Variants in ANO6 observed in about 807,000 individuals in gnomAD.
ANO6 encodes anoctamin-6.
ANO6 carries 106 observed loss-of-function variants against 117.5 expected under a neutral mutation model. The ratio of observed to expected loss-of-function variants is 0.90; its 90% CI spans 0.77 to 1.06. The LOEUF (loss-of-function observed/expected upper bound fraction) is 1.06. Among genes scored for constraint, ANO6 ranks in the 50% least tolerant of loss-of-function variants. The pLI is 0.00. For synonymous variants in ANO6, 367 were observed against 385.1 expected (o/e 0.95, Z 0.55); for missense variants, 955 against 1,121.1 (o/e 0.85, Z 2.12).
At chr12:45,306,036 A>T (rs1939658707) in intron 2 of ANO6, among the ~76,000 whole-genome samples, 1 of 152,122 alleles carries the variant, frequency 6.6e-6, no homozygotes, top group Admixed American at 6.6e-5. Context: ...GAGCTGAGGG[A>T]TGGGGTGTGG....
intron 15 of ANO6, among the ~76,000 whole-genome samples, chr12:45,408,533 C>T (rs905937263): frequency 2.6e-5 from 4 of 152,204 alleles, no homozygotes; most frequent in Admixed American, 6.5e-5. Flanking sequence ...GTGGACAGAG[C>T]GCTGGGACGC....
At chr12:45,384,152 G>A (rs1407380469) in intron 10 of ANO6, among the ~76,000 whole-genome samples, 1 of 152,200 alleles carries the variant, frequency 6.6e-6, no homozygotes, top group African/African-American at 2.4e-5. Context: ...ACCTCTGCTA[G>A]CTTCAAACTT....
At chr12:45,247,029 G>T (rs191186304) in intron 1 of ANO6, among the ~76,000 whole-genome samples, 2 of 152,064 alleles carry the variant, frequency 1.3e-5, no homozygotes, top group African/African-American at 2.4e-5. Context: ...CCTCCTGGGC[G>T]ATTCTCCTGC....
In ANO6 at chr12:45,252,520, G is replaced by A. The variant is rs577534733; in HGVS notation, c.70+36129G>A. On this transcript the variant is annotated intron_variant, in intron 1 of 19. Transcript: ENST00000320560. The stretch of plus-strand genomic sequence containing the variant: ...TTGTTGTTAACTACTGTTTTTATGA[G>A]CTGTTTGTAAGAAATGGTGTATCTC... 5.3e-5 allele frequency among the ~76,000 whole-genome samples: 8 copies of A among 152,236 alleles called. No individual in the cohort carries two copies. The South Asian group carries it at 1.5e-3, about 28-fold the overall frequency.
intron 1 of ANO6, among the ~76,000 whole-genome samples, chr12:45,218,494 A>C (rs1304621094): frequency 1.3e-5 from 2 of 149,028 alleles, no homozygotes; most frequent in Non-Finnish European, 3.0e-5. Flanking sequence ...TACGGGGCTC[A>C]AGCGATCCTC....
chr12:45,354,056 A>C (rs1941350725), intron 7 of ANO6, among the ~76,000 whole-genome samples: 1 of 152,178 alleles, frequency 6.6e-6, no homozygotes, highest in Non-Finnish European at 1.5e-5. Flanking sequence ...GAAAAAATGT[A>C]GGGAAGAAAT....
chr12:45,350,470 A>T (rs563053399), intron 6 of ANO6, among the ~76,000 whole-genome samples, 189 bp from the exon 7 acceptor site: 1 of 152,214 alleles, frequency 6.6e-6, no homozygotes, highest in Non-Finnish European at 1.5e-5. Flanking sequence ...ACATTCATAA[A>T]TGACCCCCAA....
chr12:45,365,907 A>G (rs1052828857), intron 8 of ANO6, among the ~76,000 whole-genome samples: 9 of 152,130 alleles, frequency 5.9e-5, no homozygotes, highest in Admixed American at 2.6e-4. Flanking sequence ...GATTTTGACA[A>G]TTTTTGCCAG....
At chr12:45,322,447 T>G (rs1220780127) in intron 2 of ANO6, among the ~76,000 whole-genome samples, 3 of 152,140 alleles carry the variant, frequency 2.0e-5, no homozygotes, top group African/African-American at 7.2e-5. Context: ...TTATAAAATG[T>G]GGCCTATAAT....
chr12:45,291,419 T>C (rs1009417359), intron 1 of ANO6, among the ~76,000 whole-genome samples: 7 of 140,086 alleles, frequency 5.0e-5, no homozygotes, highest in Admixed American at 2.8e-4. Flanking sequence ...TTCTTAGATA[T>C]AACATCAAAA....
rs140416603 is a variant in ANO6 at position 45,419,632 on chromosome 12, G to A, written c.2218-1439G>A. Among the ~76,000 whole-genome samples, 127 of 152,262 alleles carry A rather than the reference G, an allele frequency of 8.3e-4. 1 individual carries two copies. The highest frequency in any genetic ancestry group is 2.3e-3 in the South Asian group (11 of 4,826). Reference sequence around the variant, plus strand: ...CTATGCCTAAACCATATGTTCAGATGAATACTATTAAAAATCATGTTAAGC... The same window carrying A: ...CTATGCCTAAACCATATGTTCAGATAAATACTATTAAAAATCATGTTAAGC... On this transcript the variant is annotated intron_variant, in intron 17 of 19. Transcript: ENST00000320560.
At chr12:45,399,186 T>C (rs937507417) in intron 12 of ANO6, among the ~76,000 whole-genome samples, 1 of 151,592 alleles carries the variant, frequency 6.6e-6, no homozygotes, top group South Asian at 2.1e-4. Context: ...GGAGGTTTTT[T>C]GTTTTTTTGT....
intron 9 of ANO6, among the ~76,000 whole-genome samples, chr12:45,373,794 TAAAAG>T (rs1449177479): frequency 1.3e-5 from 2 of 151,838 alleles, no homozygotes; most frequent in South Asian, 2.1e-4. Flanking sequence ...ACATCACAAT[TAAAAG>T]AACTGGAAAA....
chr12:45,300,003 A>C (rs1026928662), intron 1 of ANO6, among the ~76,000 whole-genome samples: 1 of 152,274 alleles, frequency 6.6e-6, no homozygotes, highest in South Asian at 2.1e-4. Flanking sequence ...ATCTCTTATG[A>C]TTCTGCCCTA....
In ANO6 at chr12:45,216,171, T is replaced by C. The variant is rs1947306246; in HGVS notation, c.-151T>C. 2 of 887,312 alleles carry C rather than the reference T, an allele frequency of 2.3e-6. No individual in the cohort carries two copies. The highest frequency in any genetic ancestry group is 3.5e-6 in the Non-Finnish European group (2 of 575,224). The allele number at this position is 887,312 out of a possible 1,614,324, so 55.0% of individuals were successfully genotyped here. A position where few individuals can be genotyped will look rare whatever the true frequency, so the allele number is the denominator to read the frequency against. ...CGGTCGGTGGGTGCCTCGGCTCGGC[T>C]TTCCCCGGCGCTGGCTGGGCTCAGC... On this transcript the variant is annotated 5_prime_UTR_variant, in exon 1 of 20. Coordinates refer to ENST00000320560, the MANE Select transcript of ANO6 (RefSeq NM_001025356.3).
intron 1 of ANO6, among the ~76,000 whole-genome samples, chr12:45,243,699 GC>G (rs1441637192): frequency 6.6e-6 from 1 of 152,062 alleles, no homozygotes; most frequent in Non-Finnish European, 1.5e-5. Flanking sequence ...ACAGTCACCT[GC>G]CACCATGCCT....
In ANO6 at chr12:45,331,423, G is replaced by T. The variant is rs1192448409; in HGVS notation, c.279G>T (p.Arg93Ser). The T allele has an allele frequency of 6.2e-7, 1 of 1,600,346 alleles. No individual in the cohort carries two copies. Among genetic ancestry groups the T allele is most frequent in the Non-Finnish European group, 8.5e-7 (1 of 1,172,530 alleles). Residue 93 changes from arginine (R) to serine (S), a missense_variant and splice_region_variant, in exon 3 of 20, where the codon AGG becomes AGT. Transcript: ENST00000320560. ...AAAAGGGTACAAATGAAAAACAAAG[G>T]GTAAGTTTTTATGCTATTTTCCTTT... is the stretch of plus-strand genomic sequence containing the variant. ...TNKKGTNEKQ[R>S]RKRQAYESNL...
rs1943360064 is a variant in ANO6 at position 45,421,330 on chromosome 12, G to A, written c.2420+57G>A. 3.3e-6 allele frequency: 5 copies of A among 1,535,268 alleles called. No individual in the cohort carries two copies. The South Asian group carries it at 3.5e-5, about 11-fold the overall frequency. On this transcript the variant is annotated intron_variant, in intron 18 of 19. Coordinates refer to ENST00000320560, the MANE Select transcript of ANO6 (RefSeq NM_001025356.3). ...CTTCATCTTTAAAAGGGTTTTTCTT[G>A]TGACTTAATTCTGTTTGGTGTCATT... is the stretch of plus-strand genomic sequence containing the variant.
In ANO6 at chr12:45,403,536, C is replaced by T. The variant is rs907518639; in HGVS notation, c.1880C>T (p.Pro627Leu). The change falls in exon 15 of 20, where the codon CCC becomes CTC. Residue 627 changes from proline (P) to leucine (L), a missense_variant and splice_region_variant. Transcript: ENST00000320560. ...IWNNIQEVLLPWIMNLIGRFH... is the reference protein window; with the variant it reads ...IWNNIQEVLLLWIMNLIGRFH... Reference sequence around the variant, plus strand: ...AATAACATACAAGAAGTATTATTGCCGTGAGTGTTAAATTGTATAGCCATG... The same window carrying T: ...AATAACATACAAGAAGTATTATTGCTGTGAGTGTTAAATTGTATAGCCATG... 5.0e-6 allele frequency: 8 copies of T among 1,607,000 alleles called. No homozygotes were observed. The highest frequency in any genetic ancestry group is 2.7e-5 in the African/African-American group (2 of 74,702).
Sources: gnomAD v4.1 joint callset for allele counts (sites outside exome capture counted in the v4.1 genomes callset) on GRCh38, gnomAD v4.1.1 for gene constraint, MANE v1.5 for transcripts, NCBI Gene and HGNC (gene_info 2026-07-23, HGNC 2026-07-21) for gene names.